Variants in SOX6 observed in about 807,000 individuals in gnomAD.
SOX6 encodes the protein SRY-box transcription factor 6.
A neutral mutation model predicts 97.8 loss-of-function variants in SOX6; 11 were observed. That is an observed-to-expected ratio of 0.11 (90% CI 0.07 to 0.19). The LOEUF is 0.19. SOX6 is among the 10% of genes least tolerant of loss of function. The pLI is 1.00. For synonymous variants in SOX6, 360 were observed against 371.4 expected (o/e 0.97, Z 0.35); for missense variants, 810 against 1,039.5 (o/e 0.78, Z 3.04).
intron 3 of SOX6, chr11:16,315,317 G>A (rs574320618): frequency 3.3e-5 from 5 of 152,024 alleles, no homozygotes; most frequent in Non-Finnish European, 7.4e-5. Flanking sequence ...GGCTTCACTA[G>A]ACTATCAAAG....
At chr11:16,132,417 GAAA>G (rs1849815423) in intron 6 of SOX6, among the ~76,000 whole-genome samples, 2 of 95,994 alleles carry the variant, frequency 2.1e-5, no homozygotes, top group African/African-American at 9.9e-5. Flanking sequence ...AAGAAAGAAA[GAAA>G]GAAAGAAAGA....
intron 1 of SOX6, among the ~76,000 whole-genome samples, chr11:16,443,794 C>A (rs928932205): frequency 6.6e-6 from 1 of 151,994 alleles, no homozygotes; most frequent in Non-Finnish European, 1.5e-5. Flanking sequence ...GCAGGCAGAT[C>A]ATGAGGTCAA....
At chr11:16,709,034 T>C (rs1266040079) in intron 3 of SOX6, among the ~76,000 whole-genome samples, 1 of 152,066 alleles carries the variant, frequency 6.6e-6, no homozygotes, top group Non-Finnish European at 1.5e-5. Context: ...AATGAAGAGG[T>C]GGCATCTTGT....
chr11:16,535,447 C>T (rs1293554945), intron 4 of SOX6, among the ~76,000 whole-genome samples: 1 of 152,092 alleles, frequency 6.6e-6, no homozygotes, highest in South Asian at 2.1e-4. Flanking sequence ...CCAAGGTGGG[C>T]AGATCACTTG....
chr11:16,651,273 A>G (rs1201032889), intron 3 of SOX6, among the ~76,000 whole-genome samples: 1 of 152,146 alleles, frequency 6.6e-6, no homozygotes, highest in East Asian at 1.9e-4. Context: ...AGATCATTCT[A>G]TGAAGCCATT....
intron 4 of SOX6, among the ~76,000 whole-genome samples, chr11:16,540,034 C>A (rs1374035848): frequency 6.6e-6 from 1 of 152,132 alleles, no homozygotes; most frequent in Admixed American, 6.5e-5. Flanking sequence ...GAATTTTAGA[C>A]CAATATCCTT....
At chr11:16,161,070 G>T (rs1441997281) in intron 6 of SOX6, among the ~76,000 whole-genome samples, 1 of 151,972 alleles carries the variant, frequency 6.6e-6, no homozygotes, top group Non-Finnish European at 1.5e-5. Context: ...AAAAAGTGGG[G>T]GAGGGTGATA....
chr11:16,588,653 C>T (rs941379361), intron 4 of SOX6, among the ~76,000 whole-genome samples: 8 of 152,092 alleles, frequency 5.3e-5, no homozygotes. Context: ...TTGCTGACCC[C>T]CTCACACCAA....
intron 9 of SOX6, among the ~76,000 whole-genome samples, chr11:16,069,829 A>G (rs1173255870): frequency 6.6e-6 from 1 of 152,090 alleles, no homozygotes; most frequent in African/African-American, 2.4e-5. Flanking sequence ...TCATTCATTA[A>G]CCCCTGCAGC....
At chr11:16,729,796 G>A (rs1006431413) in intron 2 of SOX6, among the ~76,000 whole-genome samples, 8 of 151,954 alleles carry the variant, frequency 5.3e-5, no homozygotes, top group Non-Finnish European at 1.0e-4. Flanking sequence ...TGGATAAAGA[G>A]TCAATACCCA....
chr11:16,622,059 T>G (rs934080247), intron 3 of SOX6, among the ~76,000 whole-genome samples: 1 of 152,186 alleles, frequency 6.6e-6, no homozygotes, highest in Non-Finnish European at 1.5e-5. Context: ...GATTTTACTT[T>G]TCTTAAAGTA....
chr11:16,266,158 G>C (rs1367340270), intron 3 of SOX6, among the ~76,000 whole-genome samples: 1 of 151,648 alleles, frequency 6.6e-6, no homozygotes, highest in African/African-American at 2.4e-5. Context: ...GTGAATTAAA[G>C]AGAAAATTCT....
chr11:16,021,571 T>C (rs1379357646), intron 12 of SOX6, among the ~76,000 whole-genome samples: 1 of 152,160 alleles, frequency 6.6e-6, no homozygotes, highest in East Asian at 1.9e-4. Flanking sequence ...CTTACTTTCC[T>C]AGTGACATTG....
chr11:16,644,262 A>C (rs1343725317), intron 3 of SOX6, among the ~76,000 whole-genome samples: 1 of 151,848 alleles, frequency 6.6e-6, no homozygotes, highest in Non-Finnish European at 1.5e-5. Context: ...CTGGTCTCAA[A>C]CTCCAGAGCT....
chr11:15,974,378 C>CTTTTTTTTTTTTTTTT (rs35597667), intron 15 of SOX6, among the ~76,000 whole-genome samples: 52 of 85,680 alleles, frequency 6.1e-4, no homozygotes, highest in East Asian at 8.0e-4. Context: ...TTAGCTCTCT[C>CTTTTTTTTTTTTTTTT]TTTTTTTTTT....
At position 16,605,671 on chromosome 11, in the gene SOX6, C is replaced by T; in HGVS notation, n.609+6410G>A. ...AGAGAGCGGCGGAGATCCTCGACTC[C>T]CGCCCGCCCTCAACCAGTGTCAACC... On this transcript the variant is annotated intron_variant and non_coding_transcript_variant, in intron 4 of 5. Transcript: ENST00000524520. This position sits in a 1 kb window ranked among gnomAD's most constrained non-coding sequence, Gnocchi z 5.3. 6.6e-6 allele frequency among the ~76,000 whole-genome samples: 1 copy of T among 151,924 alleles called. No homozygotes were observed. The highest frequency in any genetic ancestry group is 2.0e-4 in the East Asian group (1 of 5,120).
chr11:16,507,658 T>C (rs143971497), intron 4 of SOX6, among the ~76,000 whole-genome samples: 64 of 152,214 alleles, frequency 4.2e-4, no homozygotes, highest in African/African-American at 1.2e-3. Flanking sequence ...AGAACATACA[T>C]TGGGGAAAAG....
At chr11:16,342,958 C>T (rs1281217651) in intron 1 of SOX6, among the ~76,000 whole-genome samples, 3 of 151,550 alleles carry the variant, frequency 2.0e-5, no homozygotes, top group Admixed American at 1.3e-4. Flanking sequence ...CAAAAGAATG[C>T]CTATAATTTC....
chr11:16,083,023 C>T (rs959407055), intron 9 of SOX6, among the ~76,000 whole-genome samples: 5 of 152,178 alleles, frequency 3.3e-5, no homozygotes, highest in Non-Finnish European at 1.5e-5. Context: ...TTCTCTGCAT[C>T]TTTGCCATTC....
Sources: allele counts gnomAD v4.1 joint callset (sites outside exome capture counted in the v4.1 genomes callset), GRCh38; gene constraint gnomAD v4.1.1; non-coding constraint Gnocchi (gnomAD v3.1); transcripts MANE v1.5; gene names NCBI Gene and HGNC (gene_info 2026-07-23, HGNC 2026-07-21).